The following DIAPH2 variants were observed in gnomAD, a reference collection of about 807,000 sequenced individuals.
DIAPH2 encodes the protein diaphanous related formin 2.
A neutral mutation model predicts 92.7 loss-of-function variants in DIAPH2; 35 were observed. That is an observed-to-expected ratio of 0.38 (90% CI 0.29 to 0.50). The LOEUF is 0.50. DIAPH2 is among the 20% of genes least tolerant of loss of function. The pLI is 0.94. For synonymous variants in DIAPH2, 301 were observed against 280.4 expected (o/e 1.07, Z -0.73); for missense variants, 701 against 819.5 (o/e 0.86, Z 1.77).
intron 24 of DIAPH2, among the ~76,000 whole-genome samples, chrX:97,368,002 C>T (rs1462266857): frequency 2.7e-5 from 3 of 112,420 alleles, no homozygotes; most frequent in Non-Finnish European, 3.8e-5. Context: ...TGAGCCACTG[C>T]TCCTGGCCCT....
chrX:97,161,471 G>T (rs771709200), intron 22 of DIAPH2, among the ~76,000 whole-genome samples: 11 of 110,033 alleles, frequency 1.0e-4, no homozygotes, highest in Admixed American at 3.9e-4. Flanking sequence ...CACGATATTG[G>T]CTCACTGCAA....
chrX:97,002,378 T>C (rs2066150828), intron 17 of DIAPH2, among the ~76,000 whole-genome samples: 1 of 111,043 alleles, frequency 9.0e-6, no homozygotes, highest in Non-Finnish European at 1.9e-5. Flanking sequence ...ACTATCTGAG[T>C]GCAAAGCCTC....
At chrX:97,166,132 T>A (rs1339074103) in intron 22 of DIAPH2, among the ~76,000 whole-genome samples, 1 of 111,772 alleles carries the variant, frequency 8.9e-6, no homozygotes, top group East Asian at 2.8e-4. Flanking sequence ...AAATTTATCT[T>A]ACCCTTATCA....
chrX:97,203,420 G>A (rs949130566), intron 22 of DIAPH2, among the ~76,000 whole-genome samples: 2 of 111,185 alleles, frequency 1.8e-5, no homozygotes, highest in Admixed American at 1.9e-4. Flanking sequence ...TAGATGGACT[G>A]CTAGCCAGAC....
rs1418443305 is a variant in DIAPH2 at position 97,351,776 on chromosome X, C to G, written c.3009+3496C>G. ...CAAGATCACGCCACTGTACTCCAGCCTGGGCGACAGAGAGAGACTCCGTCT... is the reference window on the plus strand; with the variant it reads ...CAAGATCACGCCACTGTACTCCAGCGTGGGCGACAGAGAGAGACTCCGTCT... On this transcript the variant is annotated intron_variant, in intron 24 of 26. Transcript: ENST00000324765. Among the ~76,000 whole-genome samples the G allele has an allele frequency of 2.7e-5, 3 of 110,550 alleles. 1 individual carries two copies. The highest frequency in any genetic ancestry group is 9.6e-5 in the Admixed American group (1 of 10,391).
At chrX:97,461,396 TTTAAA>T (rs2147802099) in intron 26 of DIAPH2, among the ~76,000 whole-genome samples, 1 of 111,694 alleles carries the variant, frequency 9.0e-6, no homozygotes, top group African/African-American at 3.2e-5. Context: ...TTTTTTTTCT[TTTAAA>T]CAGAACATAA....
Position 97,185,455 on chromosome X carries a change from GTATATATATATATATACACATA to G in DIAPH2, c.2719+43678_2719+43699del, listed in dbSNP as rs1406304856. ...TATATGTGTATATATATATGTGTGT[GTATATATATATATATACACATA>G]TATATATATATATATATATATATAT... On this transcript the variant is annotated intron_variant, in intron 22 of 26. Coordinates refer to ENST00000324765, the MANE Select transcript of DIAPH2 (RefSeq NM_006729.5). Among the ~76,000 whole-genome samples the G allele has an allele frequency of 3.5e-3, 32 of 9,116 alleles. 1 individual carries two copies. The highest frequency in any genetic ancestry group is 0.013 in the African/African-American group (32 of 2,371). The allele number at this position is 9,116 out of a possible 115,157, so 7.9% of individuals were successfully genotyped here.
intron 21 of DIAPH2, 68 bp from the exon 22 acceptor site, chrX:97,141,597 T>C: frequency 9.6e-7 from 1 of 1,040,837 alleles, no homozygotes; most frequent in Non-Finnish European, 1.3e-6. Flanking sequence ...ATAAATTCAT[T>C]CATTTCACTT....
chrX:97,387,893 A>G (rs1472436214), intron 25 of DIAPH2, among the ~76,000 whole-genome samples: 2 of 111,882 alleles, frequency 1.8e-5, no homozygotes, highest in African/African-American at 3.3e-5. Context: ...AATGACTAAT[A>G]TCATTTTAAA....
intron 24 of DIAPH2, among the ~76,000 whole-genome samples, chrX:97,365,228 T>A (rs754291136): frequency 9.0e-6 from 1 of 111,555 alleles, no homozygotes; most frequent in African/African-American, 3.3e-5. Context: ...AAAAAAATCT[T>A]ACTTTCATCC....
intron 4 of DIAPH2, among the ~76,000 whole-genome samples, chrX:96,811,915 G>A (rs1161526182): frequency 2.7e-5 from 3 of 111,578 alleles, no homozygotes; most frequent in Non-Finnish European, 5.7e-5. Flanking sequence ...AGCTGGATTC[G>A]GTTTGCCAGT....
Position 96,980,242 on chromosome X carries a change from A to T in DIAPH2, c.2050+15035A>T, listed in dbSNP as rs898597052. Among the ~76,000 whole-genome samples the T allele has an allele frequency of 2.7e-5, 3 of 111,280 alleles. No individual in the cohort carries two copies. The East Asian group carries it at 8.5e-4, about 32-fold the overall frequency. On this transcript the variant is annotated intron_variant, in intron 17 of 26. Transcript: ENST00000324765. ...AATTTAAGGATAGTAAATGTAGGGGATGTTATTGCCAATGGAAGTGGCTCT... is the reference window on the plus strand; with the variant it reads ...AATTTAAGGATAGTAAATGTAGGGGTTGTTATTGCCAATGGAAGTGGCTCT...
intron 26 of DIAPH2, among the ~76,000 whole-genome samples, chrX:97,447,943 G>T (rs772081943): frequency 2.7e-5 from 3 of 111,622 alleles, no homozygotes; most frequent in Non-Finnish European, 3.8e-5. Context: ...TAAATATCAC[G>T]CTATTTAAGA....
intron 3 of DIAPH2, among the ~76,000 whole-genome samples, chrX:96,743,353 A>G (rs5949453): frequency 0.2 from 21,874 of 110,653 alleles, 1,625 homozygotes; most frequent in East Asian, 0.32. Context: ...CTAGTAGTGG[A>G]ATTGCTGGAT....
chrX:97,492,128 A>G (rs926339597), intron 26 of DIAPH2, among the ~76,000 whole-genome samples: 13 of 112,013 alleles, frequency 1.2e-4, no homozygotes, highest in African/African-American at 4.2e-4. Flanking sequence ...GTTTAAAGTT[A>G]TTTACAGTCC....
At chrX:96,960,288 G>A (rs2065838772) in intron 16 of DIAPH2, among the ~76,000 whole-genome samples, 1 of 110,877 alleles carries the variant, frequency 9.0e-6, no homozygotes, top group Admixed American at 9.6e-5. Flanking sequence ...TCTTTCATCA[G>A]TGTTTTGTAG....
chrX:97,149,441 A>T (rs1273638064), intron 22 of DIAPH2, among the ~76,000 whole-genome samples: 3 of 110,856 alleles, frequency 2.7e-5, no homozygotes, highest in Admixed American at 9.6e-5. Context: ...TTTCATATAT[A>T]GGATTTCAGG....
chrX:96,724,785 T>C (rs1310090999), intron 1 of DIAPH2, among the ~76,000 whole-genome samples: 1 of 112,509 alleles, frequency 8.9e-6, no homozygotes, highest in African/African-American at 3.2e-5. Flanking sequence ...AAAATCTCTG[T>C]GATTCATAAT....
chrX:96,967,697 G>A (rs566903314), intron 17 of DIAPH2, among the ~76,000 whole-genome samples: 3 of 110,765 alleles, frequency 2.7e-5, no homozygotes, highest in Non-Finnish European at 3.8e-5. Flanking sequence ...GATTACAGGC[G>A]TGACCCACCA....
Sources: allele counts gnomAD v4.1 joint callset (sites outside exome capture counted in the v4.1 genomes callset), GRCh38; gene constraint gnomAD v4.1.1; transcripts MANE v1.5; gene names NCBI Gene and HGNC (gene_info 2026-07-23, HGNC 2026-07-21).